USB1: variants seen among roughly 807,000 people sequenced by gnomAD.
The protein encoded by USB1 is U6 snRNA biogenesis phosphodiesterase 1.
In USB1, 21 loss-of-function variants were observed where a neutral mutation model predicts 29.9. That is an observed-to-expected ratio of 0.70 (90% CI 0.50 to 1.01). USB1 has a LOEUF of 1.01. Among genes scored for constraint, USB1 ranks in the 50% least tolerant of loss-of-function variants. The probability of loss-of-function intolerance (pLI) is 0.00; values close to 1 mark genes in which losing one functional copy is unlikely to be tolerated. For missense variants in USB1, 330 were observed against 347.1 expected (o/e 0.95, Z 0.39); for synonymous variants, 143 against 134.9 (o/e 1.06, Z -0.42).
At chr16:58,015,167 A>G (rs1475557424) in intron 4 of USB1, 1 of 152,178 alleles carries the variant, frequency 6.6e-6, no homozygotes, top group Non-Finnish European at 1.5e-5. Flanking sequence ...AGATTGAGAG[A>G]AGCATCTTGG....
At chr16:58,015,357 A>G (rs1180207415) in intron 4 of USB1, 1 of 152,202 alleles carries the variant, frequency 6.6e-6, no homozygotes, top group Non-Finnish European at 1.5e-5. Flanking sequence ...TGAAAAGTTA[A>G]AAGTATTAAA....
At chr16:58,001,383 C>T, upstream of USB1, 1 of 1,401,894 alleles carries the variant, frequency 7.1e-7, no homozygotes, top group Non-Finnish European at 9.9e-7. Context: ...GCGGTGCCAG[C>T]CCAGGCCCCG....
chr16:58,017,282 G>A, intron 4 of USB1, 52 bp from the exon 5 acceptor site: 1 of 1,548,428 alleles, frequency 6.5e-7, no homozygotes, highest in Admixed American at 1.7e-5. Context: ...TGCGCAGATG[G>A]CTGTGTTCTC....
Position 58,002,639 on chromosome 16 carries a change from G to C in USB1, c.259G>C (p.Val87Leu), listed in dbSNP as rs571564926. The change falls in exon 2 of 7, where the codon GTA becomes CTA. Residue 87 changes from valine to leucine, a missense_variant. By Grantham distance (32) the Val-to-Leu change is conservative. Coordinates refer to ENST00000219281, the MANE Select transcript of USB1 (RefSeq NM_024598.4). ...ERGNWATHVYVPYEAKEEFLD... is the reference protein window; with the variant it reads ...ERGNWATHVYLPYEAKEEFLD... ...AGGCAACTGGGCCACCCACGTCTAT[G>C]TACCATGTGAGTGATGTGTGAAAGG... 1.2e-6 allele frequency: 2 copies of C among 1,613,820 alleles called. No homozygotes were observed. Among genetic ancestry groups the C allele is most frequent in the Middle Eastern group, 1.7e-4 (1 of 6,058 alleles).
upstream of USB1, among the ~76,000 whole-genome samples, chr16:58,000,794 C>T (rs1259114127): frequency 6.6e-6 from 1 of 151,962 alleles, no homozygotes. The surrounding 1 kb of genome is among the most constrained non-coding windows in gnomAD (Gnocchi z 4.5). Flanking sequence ...TGCCGGGGAC[C>T]CCGTGGCCGG....
intron 3 of USB1, chr16:58,011,919 T>C: frequency 9.8e-7 from 1 of 1,023,738 alleles, no homozygotes; most frequent in African/African-American, 1.7e-5. Flanking sequence ...CTGGATCCTC[T>C]ACTGTTGATA....
At chr16:58,003,121 A>G (rs1963269739) in intron 2 of USB1, among the ~76,000 whole-genome samples, 1 of 152,152 alleles carries the variant, frequency 6.6e-6, no homozygotes, top group Non-Finnish European at 1.5e-5. Flanking sequence ...AGTTTCTTCA[A>G]ATCTAAAATG....
In USB1 at chr16:58,014,313, CAA is replaced by C; in HGVS notation, c.491_492del (p.Gln164ArgfsTer10). 6.2e-7 allele frequency: 1 copy of C among 1,613,684 alleles called. No individual in the cohort carries two copies. The highest frequency in any genetic ancestry group is 8.5e-7 in the Non-Finnish European group (1 of 1,179,658). On this transcript the variant is annotated frameshift_variant, in exon 4 of 7. Coordinates refer to ENST00000219281, the MANE Select transcript of USB1 (RefSeq NM_024598.4). LOFTEE classifies it high-confidence loss of function. ...TANQVKIYTN[Q>X]EKTRTFIGLE... ...CAACCAGGTAAAGATTTACACCAAT[CAA>C]GAGAAAACCAGGTGGGTCCTCCCAA...
In USB1 at chr16:58,019,066, AG is replaced by A; in HGVS notation, c.693+14del. Reference sequence around the variant, plus strand: ...CTGCAGGAACTACAGGTGAATTTCCAGGGCGGGAGCACAGAGGGCGCTGAAC... The same window carrying A: ...CTGCAGGAACTACAGGTGAATTTCCAGGCGGGAGCACAGAGGGCGCTGAAC... On this transcript the variant is annotated intron_variant, in intron 6 of 6. Transcript: ENST00000219281. 1 of 1,613,868 alleles carries A rather than the reference AG, an allele frequency of 6.2e-7. No homozygotes were observed. Among genetic ancestry groups the A allele is most frequent in the Non-Finnish European group, 8.5e-7 (1 of 1,179,860 alleles).
At chr16:58,012,736 G>C in intron 3 of USB1, 2 of 1,066,548 alleles carry the variant, frequency 1.9e-6, no homozygotes, top group Non-Finnish European at 2.3e-6. Context: ...CTGGATGAAG[G>C]AGGAGAGCGG....
At chr16:58,005,488 G>T (rs890389922) in intron 2 of USB1, among the ~76,000 whole-genome samples, 1 of 152,172 alleles carries the variant, frequency 6.6e-6, no homozygotes, top group East Asian at 1.9e-4. Flanking sequence ...TTGTCTTCTG[G>T]TCACTTCTCA....
At chr16:58,000,669 G>A (rs1473378478), upstream of USB1, among the ~76,000 whole-genome samples, 1 of 148,868 alleles carries the variant, frequency 6.7e-6, no homozygotes. This position sits in a 1 kb window ranked among gnomAD's most constrained non-coding sequence, Gnocchi z 4.5. Context: ...TTGCGGAGAC[G>A]GGCGGACGGG....
intron 4 of USB1, 42 bp from the exon 5 acceptor site, chr16:58,017,292 C>T (rs752658955): frequency 2.5e-6 from 4 of 1,583,180 alleles, no homozygotes; most frequent in Non-Finnish European, 3.5e-6. Flanking sequence ...GCTGTGTTCT[C>T]AGAGGCTACA....
Position 58,020,583 on chromosome 16 carries a change from T to TCCTCTCCTCTCTCTC in USB1, c.*352_*353insCCCTCTCCTCTCTCT, listed in dbSNP as rs1963718171. On this transcript the variant is annotated 3_prime_UTR_variant, in exon 7 of 7. Transcript: ENST00000219281. ...CCTCCTCTCTTCCTCTCCTCTCTCT[T>TCCTCTCCTCTCTCTC]CCTCTCCTCTCTCTACCCCTCCTGT... 3.1e-6 allele frequency: 1 copy of TCCTCTCCTCTCTCTC among 323,142 alleles called. No homozygotes were observed. Among genetic ancestry groups the TCCTCTCCTCTCTCTC allele is most frequent in the South Asian group, 2.4e-5 (1 of 41,860 alleles). 20.0% of individuals were successfully genotyped at this position (323,142 alleles called of 1,614,324 possible). A position where few individuals can be genotyped will look rare whatever the true frequency, so the allele number is the denominator to read the frequency against.
chr16:58,004,576 G>T (rs923324132), intron 2 of USB1, among the ~76,000 whole-genome samples: 13 of 152,080 alleles, frequency 8.5e-5, no homozygotes, highest in Non-Finnish European at 1.8e-4. Flanking sequence ...CACAGCACTT[G>T]GCCTGTTTTG....
chr16:58,010,489 G>A (rs763016643), intron 3 of USB1, among the ~76,000 whole-genome samples: 5 of 152,166 alleles, frequency 3.3e-5, no homozygotes, highest in Non-Finnish European at 7.3e-5. Flanking sequence ...CCCAGGGTTA[G>A]TGCAGACTTC....
chr16:58,011,501 C>T, intron 3 of USB1: 1 of 1,014,862 alleles, frequency 9.9e-7, no homozygotes. Context: ...TGAGGCTCTC[C>T]CGGTTGGCAT....
rs1963704950 is a variant in USB1 at position 58,020,177 on chromosome 16, C to T, written c.730C>T (p.Leu244=). 2 of 1,614,062 alleles carry T rather than the reference C, an allele frequency of 1.2e-6. No homozygotes were observed. Residue 244 remains leucine (L), a synonymous_variant, in exon 7 of 7, where the codon CTG becomes TTG. Coordinates refer to ENST00000219281, the MANE Select transcript of USB1 (RefSeq NM_024598.4). ...TGGGTTTGAAGATGCTGAGGTGCTG[C>T]TGCGCGTGCACACTGAGCAAGTCCG... ...VDGFEDAEVL[L]RVHTEQVRCK...
At chr16:58,003,889 C>T (rs916186363) in intron 2 of USB1, among the ~76,000 whole-genome samples, 2 of 152,068 alleles carry the variant, frequency 1.3e-5, no homozygotes, top group Non-Finnish European at 1.5e-5. Context: ...TTTTCCCAGC[C>T]AGTCGCTTGT....
Sources: allele counts gnomAD v4.1 joint callset (sites outside exome capture counted in the v4.1 genomes callset), GRCh38; gene constraint gnomAD v4.1.1; non-coding constraint Gnocchi (gnomAD v3.1); transcripts MANE v1.5; gene names NCBI Gene and HGNC (gene_info 2026-07-23, HGNC 2026-07-21).